FRAS1: variants seen among roughly 807,000 people sequenced by gnomAD.
FRAS1 encodes Fraser extracellular matrix complex subunit 1, also known as extracellular matrix organizing protein FRAS1.
FRAS1 carries 290 observed loss-of-function variants against 435.2 expected under a neutral mutation model. The observed-to-expected ratio is 0.67, with a 90% CI of 0.61 to 0.73. The LOEUF is 0.73. FRAS1 is among the 30% of genes least tolerant of loss of function. The pLI is 0.00. For synonymous variants in FRAS1, 1,800 were observed against 1,851.0 expected, an observed-to-expected ratio of 0.97 and a Z score of 0.71; for missense variants, 4,860 against 5,001.5, an observed-to-expected ratio of 0.97 and a Z score of 0.85.
chr4:78,432,329 C>T (rs760868893), intron 37 of FRAS1, 28 bp from the exon 38 acceptor site: 68 of 1,563,470 alleles, frequency 4.3e-5, no homozygotes, highest in African/African-American at 6.8e-5. Context: ...AGAAGCAACT[C>T]GTTTGCAATT....
intron 18 of FRAS1, among the ~76,000 whole-genome samples, chr4:78,332,827 G>A (rs556032886): frequency 6.6e-6 from 1 of 152,310 alleles, no homozygotes; most frequent in East Asian, 1.9e-4. Context: ...CTCCATCATA[G>A]CGTAGGCACT....
At chr4:78,415,664 A>G (rs1305957073) in intron 32 of FRAS1, among the ~76,000 whole-genome samples, 1 of 152,204 alleles carries the variant, frequency 6.6e-6, no homozygotes, top group Non-Finnish European at 1.5e-5. Context: ...TGGAGCATAA[A>G]ATCTGTTAAG....
chr4:78,512,430 A>G (rs1721069273), intron 64 of FRAS1, among the ~76,000 whole-genome samples: 2 of 152,204 alleles, frequency 1.3e-5, no homozygotes, highest in African/African-American at 2.4e-5. Context: ...TTCTACTTAA[A>G]AATGTGACTC....
chr4:78,529,831 T>C (rs1025154324), intron 70 of FRAS1, among the ~76,000 whole-genome samples: 8 of 152,122 alleles, frequency 5.3e-5, no homozygotes, highest in African/African-American at 1.7e-4. Context: ...CTAGTAAAAA[T>C]GGTATATGAT....
At position 78,511,266 on chromosome 4, in the gene FRAS1, C is replaced by T. The variant is rs1393970656; in HGVS notation, c.9781-8C>T. The T allele has an allele frequency of 5.1e-6, 8 of 1,560,750 alleles. No individual in the cohort carries two copies. Among genetic ancestry groups the T allele is most frequent in the Admixed American group, 3.7e-5 (2 of 53,522 alleles). ...CTCACATTGGAGGTGATTTTTTCTTCCTGTTAGGTCCTGGACAGCATTTAC... is the reference window on the plus strand; with the variant it reads ...CTCACATTGGAGGTGATTTTTTCTTTCTGTTAGGTCCTGGACAGCATTTAC... On this transcript the variant is annotated splice_polypyrimidine_tract_variant and splice_region_variant and intron_variant, in intron 63 of 73. Transcript: ENST00000512123.
chr4:78,373,753 C>G (rs1213107840), intron 24 of FRAS1, among the ~76,000 whole-genome samples: 1 of 151,890 alleles, frequency 6.6e-6, no homozygotes, highest in Non-Finnish European at 1.5e-5. Context: ...CCAGCCTGGG[C>G]AACAAGCAAA....
At chr4:78,460,540 G>A (rs1300508163) in intron 47 of FRAS1, among the ~76,000 whole-genome samples, 1 of 152,212 alleles carries the variant, frequency 6.6e-6, no homozygotes, top group Non-Finnish European at 1.5e-5. Context: ...AGTGGATGAT[G>A]ATTGAAAATA....
At chr4:78,456,585 T>C (rs1410146023) in intron 47 of FRAS1, among the ~76,000 whole-genome samples, 1 of 152,188 alleles carries the variant, frequency 6.6e-6, no homozygotes, top group African/African-American at 2.4e-5. Context: ...GGAGTAATAT[T>C]GGAATATAGC....
At chr4:78,105,263 A>G (rs1028745013) in intron 2 of FRAS1, among the ~76,000 whole-genome samples, 7 of 152,182 alleles carry the variant, frequency 4.6e-5, no homozygotes, top group African/African-American at 1.4e-4. Context: ...TTTACCTGAC[A>G]TATTTCTATA....
At chr4:78,444,796 G>A (rs1560731988) in intron 41 of FRAS1, among the ~76,000 whole-genome samples, 1 of 152,170 alleles carries the variant, frequency 6.6e-6, no homozygotes, top group Non-Finnish European at 1.5e-5. Flanking sequence ...GCTCTGAATG[G>A]TAACTGGGCA....
At chr4:78,364,650 G>T (rs1368762644) in intron 22 of FRAS1, among the ~76,000 whole-genome samples, 1 of 152,058 alleles carries the variant, frequency 6.6e-6, no homozygotes, top group Non-Finnish European at 1.5e-5. Flanking sequence ...AAAGGGTTAG[G>T]ATAAATTAGG....
At chr4:78,300,714 C>T (rs1187649526) in intron 14 of FRAS1, among the ~76,000 whole-genome samples, 1 of 152,130 alleles carries the variant, frequency 6.6e-6, no homozygotes, top group African/African-American at 2.4e-5. Flanking sequence ...CCTTGGTCTC[C>T]AAGGTCAAAT....
intron 2 of FRAS1, among the ~76,000 whole-genome samples, chr4:78,077,431 T>C (rs1740693672): frequency 6.6e-6 from 1 of 152,140 alleles, no homozygotes; most frequent in African/African-American, 2.4e-5. Flanking sequence ...AGATAAATTA[T>C]TATTATTTTA....
intron 2 of FRAS1, among the ~76,000 whole-genome samples, chr4:78,105,941 G>C (rs1386518203): frequency 7.4e-6 from 1 of 135,636 alleles, no homozygotes; most frequent in South Asian, 2.3e-4. Flanking sequence ...CTTGGGAAGC[G>C]CAAGGGGTCA....
intron 1 of FRAS1, among the ~76,000 whole-genome samples, chr4:78,059,201 G>A (rs1299266935): frequency 2.0e-5 from 3 of 152,120 alleles, no homozygotes; most frequent in Admixed American, 6.5e-5. Context: ...TCGAGCTCTG[G>A]CGCAGGACTG....
rs779954183 is a variant in FRAS1, at chr4:78,424,436, A to C, written c.4711+16A>C. 248 of 1,374,236 alleles carry C rather than the reference A, an allele frequency of 1.8e-4. No individual in the cohort carries two copies. The highest frequency in any genetic ancestry group is 9.4e-5 in the Non-Finnish European group (97 of 1,035,192). 85.1% of individuals were successfully genotyped at this position (1,374,236 alleles called of 1,614,324 possible). On this transcript the variant is annotated intron_variant, in intron 35 of 73. Transcript: ENST00000512123. ...CACTTCACAGGTAAAGATTCATCTA[A>C]ATTTTACTAGAAAGTGAAATTTTTT... is the stretch of plus-strand genomic sequence containing the variant.
At chr4:78,358,187 T>C (rs1211963725) in intron 20 of FRAS1, among the ~76,000 whole-genome samples, 1 of 150,678 alleles carries the variant, frequency 6.6e-6, no homozygotes, top group Non-Finnish European at 1.5e-5. Context: ...TTTGAATGTT[T>C]TTGTTGTTTC....
At chr4:78,389,953 A>G (rs1472737395) in intron 29 of FRAS1, among the ~76,000 whole-genome samples, 1 of 152,190 alleles carries the variant, frequency 6.6e-6, no homozygotes, top group Admixed American at 6.5e-5. Context: ...ATACCTGAAA[A>G]GTGAATTTAA....
In FRAS1 at chr4:78,105,094, T is replaced by G. The variant is rs552798598; in HGVS notation, c.108+39078T>G. ...AGCCTGCTGTTCTCCCAATTTCTCC[T>G]CCTGGCATCAGCTGGCTCCCTGTGG... On this transcript the variant is annotated intron_variant, in intron 2 of 73. Coordinates refer to ENST00000512123, the MANE Select transcript of FRAS1 (RefSeq NM_025074.7). 1.3e-3 allele frequency among the ~76,000 whole-genome samples: 203 copies of G among 152,304 alleles called. 2 individuals are homozygous for G. Among genetic ancestry groups the G allele is most frequent in the African/African-American group, 4.7e-3 (195 of 41,572 alleles).
Sources: allele counts gnomAD v4.1 joint callset (sites outside exome capture counted in the v4.1 genomes callset), GRCh38; gene constraint gnomAD v4.1.1; transcripts MANE v1.5; gene names NCBI Gene and HGNC (gene_info 2026-07-23, HGNC 2026-07-21).